The following SCUBE2 variants were observed in gnomAD, a reference collection of about 807,000 sequenced individuals.
The protein encoded by SCUBE2 is signal peptide, CUB domain and EGF like domain containing 2.
In SCUBE2, 114 loss-of-function variants were observed where a neutral mutation model predicts 125.9. The ratio of observed to expected loss-of-function variants is 0.91; its 90% CI spans 0.78 to 1.06. The LOEUF is 1.06. Among genes scored for constraint, SCUBE2 ranks in the 50% least tolerant of loss-of-function variants. The probability of loss-of-function intolerance (pLI) is 0.00; values close to 1 mark genes in which losing one functional copy is unlikely to be tolerated. For missense variants in SCUBE2, 1,255 were observed against 1,301.8 expected, an observed-to-expected ratio of 0.96 and a Z score of 0.55; for synonymous variants, 459 against 492.9, an observed-to-expected ratio of 0.93 and a Z score of 0.91.
Position 9,030,017 on chromosome 11 carries a change from G to A in SCUBE2, c.2370C>T (p.Asn790=). The change falls in exon 19 of 23, where the codon AAC becomes AAT. Residue 790 remains asparagine (N), a synonymous_variant. Transcript: ENST00000649792. ...RVQCSPGHFY[N]TTTHRCIRCP... Reference sequence around the variant, plus strand: ...AACGAATACATCGGTGAGTGGTGGTGTTGTAGAAATGTCCAGGTGAACATT... The same window carrying A: ...AACGAATACATCGGTGAGTGGTGGTATTGTAGAAATGTCCAGGTGAACATT... The A allele has an allele frequency of 5.0e-6, 8 of 1,614,174 alleles. No homozygotes were observed. Among genetic ancestry groups the A allele is most frequent in the Non-Finnish European group, 6.8e-6 (8 of 1,180,008 alleles).
chr11:9,069,369 C>G lies in SCUBE2; in HGVS notation c.643+1G>C. 1 of 1,614,214 alleles carries G rather than the reference C, an allele frequency of 6.2e-7. No homozygotes were observed. The highest frequency in any genetic ancestry group is 8.5e-7 in the Non-Finnish European group (1 of 1,180,026). On this transcript the variant is annotated splice_donor_variant, in intron 5 of 22. Coordinates refer to ENST00000649792, the MANE Select transcript of SCUBE2 (RefSeq NM_001367977.2). LOFTEE classifies it high-confidence loss of function. ...GCAGGTGTGCACTGGCCCATACTTA[C>G]AGATGCAGTCTCTCTGGTTCTTGGC...
chr11:9,039,396 G>C (rs1183103829), intron 16 of SCUBE2, among the ~76,000 whole-genome samples: 1 of 152,220 alleles, frequency 6.6e-6, no homozygotes. Context: ...GATGACTCAG[G>C]CTTTCCACTT....
At chr11:9,050,762 G>A (rs1204037270) in intron 13 of SCUBE2, 52 bp from the exon 14 acceptor site, 1 of 1,388,722 alleles carries the variant, frequency 7.2e-7, no homozygotes, top group South Asian at 1.2e-5. Flanking sequence ...AAGGAATGGA[G>A]ACACCAGATG....
At chr11:9,065,408 A>G (rs946189113) in intron 7 of SCUBE2, among the ~76,000 whole-genome samples, 1 of 152,226 alleles carries the variant, frequency 6.6e-6, no homozygotes, top group South Asian at 2.1e-4. Flanking sequence ...TGAAGAAGGT[A>G]CCTTGCTTCC....
intron 4 of SCUBE2, among the ~76,000 whole-genome samples, chr11:9,073,981 C>T (rs1590135515): frequency 6.6e-6 from 1 of 152,174 alleles, no homozygotes; most frequent in Admixed American, 6.5e-5. Context: ...GGAGGGAGCC[C>T]TTCTGCCCCT....
chr11:9,069,491 G>A lies in SCUBE2; in HGVS notation c.522C>T (p.Gly174=), dbSNP rs532836613. 1.1e-5 allele frequency: 18 copies of A among 1,614,160 alleles called. No homozygotes were observed. Among genetic ancestry groups the A allele is most frequent in the Admixed American group, 1.7e-5 (1 of 60,026 alleles). Reference sequence around the variant, plus strand: ...CGTGATCCTTATTCATGCAGCTCAGGCCCTCTGAAAAACAGCAGTGTGCGA... The same window carrying A: ...CGTGATCCTTATTCATGCAGCTCAGACCCTCTGAAAAACAGCAGTGTGCGA... ...QHTCIHRSEE[G]LSCMNKDHGC... is the part of the protein sequence containing the mutation. The change falls in exon 5 of 23, where the codon GGC becomes GGT. Residue 174 remains glycine (G), a synonymous_variant. Transcript: ENST00000649792.
chr11:9,091,375 C>A lies in SCUBE2; in HGVS notation c.133+21G>T. ...GGCCCTGCCTGCTGTGCCAGGTGCG[C>A]CCCCGCGGCCGGACACTCACCCTCC... On this transcript the variant is annotated intron_variant, in intron 1 of 22. Coordinates refer to ENST00000649792, the MANE Select transcript of SCUBE2 (RefSeq NM_001367977.2). This position sits in a 1 kb window ranked among gnomAD's most constrained non-coding sequence, Gnocchi z 8.5. 2 of 1,300,482 alleles carry A rather than the reference C, an allele frequency of 1.5e-6. No homozygotes were observed. Among genetic ancestry groups the A allele is most frequent in the Non-Finnish European group, 1.9e-6 (2 of 1,029,422 alleles). The allele number at this position is 1,300,482 out of a possible 1,614,324, so 80.6% of individuals were successfully genotyped here. A position where few individuals can be genotyped will look rare whatever the true frequency, so the allele number is the denominator to read the frequency against.
intron 21 of SCUBE2, among the ~76,000 whole-genome samples, chr11:9,025,124 C>T (rs1385748805): frequency 6.6e-6 from 1 of 152,064 alleles, no homozygotes; most frequent in African/African-American, 2.4e-5. Context: ...CTCAGATGGG[C>T]CACCTCTTCA....
At chr11:9,058,805 T>TA (rs1324280417) in intron 9 of SCUBE2, among the ~76,000 whole-genome samples, 1 of 151,428 alleles carries the variant, frequency 6.6e-6, no homozygotes, top group Admixed American at 6.6e-5. Flanking sequence ...AATAAATAAT[T>TA]AAAAAATTAA....
chr11:9,072,918 G>A (rs1564842176), intron 4 of SCUBE2, among the ~76,000 whole-genome samples: 1 of 152,210 alleles, frequency 6.6e-6, no homozygotes, highest in Non-Finnish European at 1.5e-5. Context: ...CCGGGGGCTT[G>A]CAGGAGGGGA....
intron 8 of SCUBE2, 191 bp from the exon 9 acceptor site, chr11:9,059,616 G>C: frequency 2.8e-6 from 2 of 714,392 alleles, no homozygotes; most frequent in Non-Finnish European, 4.3e-6. Flanking sequence ...AGTTTTGAAA[G>C]ACAAGTGTTT....
chr11:9,034,753 G>T (rs1341546995), intron 16 of SCUBE2, among the ~76,000 whole-genome samples: 1 of 152,080 alleles, frequency 6.6e-6, no homozygotes, highest in Non-Finnish European at 1.5e-5. Flanking sequence ...GGCCAAGGTG[G>T]GCGGATCACC....
rs557056594 is a variant in SCUBE2 at position 9,044,915 on chromosome 11, A to T, written c.2002+2441T>A. Among the ~76,000 whole-genome samples, 14 of 152,218 alleles carry T rather than the reference A, an allele frequency of 9.2e-5. No individual in the cohort carries two copies. In the East Asian group the frequency reaches 2.5e-3, roughly 27 times the overall value. On this transcript the variant is annotated intron_variant, in intron 16 of 22. Transcript: ENST00000649792. ...GAGGCCTTCCCTGACCACAGTCTGC[A>T]CTTTGGGGGAGTACGCTCCTCATCC...
chr11:9,042,022 T>A (rs955785135), intron 16 of SCUBE2, among the ~76,000 whole-genome samples: 9 of 152,090 alleles, frequency 5.9e-5, no homozygotes, highest in African/African-American at 1.2e-4. Flanking sequence ...GGTCTGAGCC[T>A]GTGTGGACAG....
rs143889564 is a variant in SCUBE2, at chr11:9,029,645, G to A, written c.2503+239C>T. Among the ~76,000 whole-genome samples, 740 of 152,336 alleles carry A rather than the reference G, an allele frequency of 4.9e-3. 7 individuals carry two copies. Among genetic ancestry groups the A allele is most frequent in the African/African-American group, 0.017 (695 of 41,576 alleles). Reference sequence around the variant, plus strand: ...ATTATGCCCCAGGGAGGAAATTAAGGCAAGTACAGCTTGTAAGTGTGCCTG... The same window carrying A: ...ATTATGCCCCAGGGAGGAAATTAAGACAAGTACAGCTTGTAAGTGTGCCTG... On this transcript the variant is annotated intron_variant, in intron 19 of 22. Transcript: ENST00000649792.
At chr11:9,067,701 T>TTAATGTTAAAAATGTTA (rs1264530131) in intron 5 of SCUBE2, among the ~76,000 whole-genome samples, 1 of 152,182 alleles carries the variant, frequency 6.6e-6, no homozygotes, top group Non-Finnish European at 1.5e-5. Flanking sequence ...GTTAAATATG[T>TTAATGTTAAAAATGTTA]TAATGTTAAA....
At chr11:9,051,981 T>A (rs560960894) in intron 13 of SCUBE2, among the ~76,000 whole-genome samples, 48 of 152,314 alleles carry the variant, frequency 3.2e-4, no homozygotes, top group African/African-American at 1.1e-3. Flanking sequence ...TGGGTTCAAA[T>A]CCCAGCTCCC....
At chr11:9,062,319 G>A (rs1372526606) in intron 7 of SCUBE2, among the ~76,000 whole-genome samples, 2 of 152,220 alleles carry the variant, frequency 1.3e-5, no homozygotes, top group Non-Finnish European at 2.9e-5. Flanking sequence ...CCTACAGGCA[G>A]GTGGTTGAAG....
Position 9,091,357 on chromosome 11 carries a change from C to T in SCUBE2, c.133+39G>A. On this transcript the variant is annotated intron_variant, in intron 1 of 22. Coordinates refer to ENST00000649792, the MANE Select transcript of SCUBE2 (RefSeq NM_001367977.2). This position sits in a 1 kb window ranked among gnomAD's most constrained non-coding sequence, Gnocchi z 8.5. ...GACCTAAACACTCTTCCTGGCCCTG[C>T]CTGCTGTGCCAGGTGCGCCCCCGCG... 3 of 1,287,870 alleles carry T rather than the reference C, an allele frequency of 2.3e-6. No individual in the cohort carries two copies. Among genetic ancestry groups the T allele is most frequent in the South Asian group, 2.5e-5 (1 of 39,634 alleles). The allele number at this position is 1,287,870 out of a possible 1,614,324, so 79.8% of individuals were successfully genotyped here.
Sources: allele counts gnomAD v4.1 joint callset (sites outside exome capture counted in the v4.1 genomes callset), GRCh38; gene constraint gnomAD v4.1.1; non-coding constraint Gnocchi (gnomAD v3.1); transcripts MANE v1.5; gene names NCBI Gene and HGNC (gene_info 2026-07-23, HGNC 2026-07-21).